Variants in CCDC192 observed in about 807,000 individuals in gnomAD.
CCDC192 encodes coiled-coil domain-containing protein 192.
intron 6 of CCDC192, among the ~76,000 whole-genome samples, chr5:127,927,487 G>A (rs1392898615): frequency 6.6e-6 from 1 of 152,050 alleles, no homozygotes; most frequent in African/African-American, 2.4e-5. Context: ...GGTGAGTACA[G>A]ACAACTCATC....
chr5:127,898,311 G>C (rs1383946168), intron 6 of CCDC192, among the ~76,000 whole-genome samples: 2 of 152,068 alleles, frequency 1.3e-5, no homozygotes, highest in Non-Finnish European at 2.9e-5. Flanking sequence ...GTTTCACCAT[G>C]TTGGCCAGGC....
chr5:127,705,636 G>C (rs1007138498), intron 1 of CCDC192, among the ~76,000 whole-genome samples: 3 of 152,132 alleles, frequency 2.0e-5, no homozygotes, highest in Non-Finnish European at 4.4e-5. Context: ...AAATACTTCT[G>C]ACTGGTAGGG....
intron 2 of CCDC192, among the ~76,000 whole-genome samples, chr5:127,749,219 T>C (rs1294972618): frequency 5.3e-5 from 8 of 152,220 alleles, no homozygotes; most frequent in Middle Eastern, 3.4e-3. Context: ...TTCCAGTTTT[T>C]GCCCATTCAG....
chr5:127,729,507 G>A (rs2408999), intron 2 of CCDC192, among the ~76,000 whole-genome samples: 8,394 of 152,192 alleles, frequency 0.055, 532 homozygotes, highest in East Asian at 0.27. Context: ...ACTCAGCTCT[G>A]AATCCAATGG....
chr5:127,833,450 T>C (rs1696576964), intron 5 of CCDC192, among the ~76,000 whole-genome samples: 1 of 152,156 alleles, frequency 6.6e-6, no homozygotes, highest in Non-Finnish European at 1.5e-5. Context: ...ACATTATAAA[T>C]ATAAAATAGT....
Position 127,733,929 on chromosome 5 carries a change from A to G in CCDC192, c.115-20339A>G, listed in dbSNP as rs183315257. Among the ~76,000 whole-genome samples, 103 of 145,884 alleles carry G rather than the reference A, an allele frequency of 7.1e-4. 1 individual carries two copies. Reference sequence around the variant, plus strand: ...GCCTTCACTAACTATATATATATATATATTTTTTTATTATACTTTAAGTTT... The same window carrying G: ...GCCTTCACTAACTATATATATATATGTATTTTTTTATTATACTTTAAGTTT... On this transcript the variant is annotated intron_variant, in intron 2 of 6. Transcript: ENST00000514853.
In CCDC192 at chr5:127,860,286, T is replaced by C. The variant is rs1751299206; in HGVS notation, c.412-15252T>C. On this transcript the variant is annotated intron_variant, in intron 5 of 6. Coordinates refer to ENST00000514853, the MANE Select transcript of CCDC192 (RefSeq NM_001317938.2). ...CATATAGTACATACTCCATAAATGT[T>C]TGTTGAATAGAACTAAATTATTGAG... Among the ~76,000 whole-genome samples the C allele has an allele frequency of 1.3e-5, 2 of 152,374 alleles. 1 individual carries two copies. The highest frequency in any genetic ancestry group is 4.1e-4 in the South Asian group (2 of 4,832).
At chr5:127,755,635 G>T (rs1580603623) in intron 3 of CCDC192, among the ~76,000 whole-genome samples, 1 of 118,964 alleles carries the variant, frequency 8.4e-6, no homozygotes, top group Non-Finnish European at 1.8e-5. Flanking sequence ...GCAAAATTAA[G>T]AATTACCAAG....
intron 3 of CCDC192, among the ~76,000 whole-genome samples, chr5:127,769,709 T>C (rs1039026712): frequency 6.6e-6 from 1 of 152,112 alleles, no homozygotes; most frequent in Non-Finnish European, 1.5e-5. Context: ...TGCTCAAATG[T>C]GTAATATTTT....
At chr5:127,876,159 G>A (rs1268495637) in intron 6 of CCDC192, among the ~76,000 whole-genome samples, 2 of 146,356 alleles carry the variant, frequency 1.4e-5, no homozygotes, top group Non-Finnish European at 3.0e-5. Context: ...TCAGAAAATT[G>A]TTAATAGCCA....
chr5:127,916,640 T>C (rs1753528304), intron 6 of CCDC192, among the ~76,000 whole-genome samples: 1 of 152,252 alleles, frequency 6.6e-6, no homozygotes, highest in Non-Finnish European at 1.5e-5. Flanking sequence ...CCAAAACTTT[T>C]GGGTGACCAG....
chr5:127,871,682 T>G (rs1751867517), intron 5 of CCDC192, among the ~76,000 whole-genome samples: 1 of 152,206 alleles, frequency 6.6e-6, no homozygotes, highest in Admixed American at 6.5e-5. Context: ...TTTTAAACAG[T>G]GCTGGCAACT....
intron 6 of CCDC192, among the ~76,000 whole-genome samples, chr5:127,909,740 G>T (rs1346728973): frequency 6.6e-6 from 1 of 152,118 alleles, no homozygotes; most frequent in Non-Finnish European, 1.5e-5. Context: ...AGACAATGAT[G>T]CACTGAAGTT....
Position 127,880,851 on chromosome 5 carries a change from G to C in CCDC192, c.535+5190G>C, listed in dbSNP as rs563839330. The stretch of plus-strand genomic sequence containing the variant: ...AAAAACTAGCTGGATATGGTGGTGG[G>C]CACCTGTAATCCCAGCTACTCCAGA... On this transcript the variant is annotated intron_variant, in intron 6 of 6. Transcript: ENST00000514853. Among the ~76,000 whole-genome samples the C allele has an allele frequency of 3.9e-5, 6 of 152,038 alleles. No individual in the cohort carries two copies. The South Asian group carries it at 1.0e-3, about 26-fold the overall frequency.
At chr5:127,825,696 T>C (rs1749495764) in intron 5 of CCDC192, among the ~76,000 whole-genome samples, 1 of 152,258 alleles carries the variant, frequency 6.6e-6, no homozygotes, top group South Asian at 2.1e-4. Flanking sequence ...ATACAATCTA[T>C]ATACATTCAC....
chr5:127,920,421 T>C (rs1349304090), intron 6 of CCDC192, among the ~76,000 whole-genome samples: 2 of 150,422 alleles, frequency 1.3e-5, no homozygotes, highest in Admixed American at 6.6e-5. Context: ...TTTTTTTTTT[T>C]TTTTGAGATG....
intron 5 of CCDC192, among the ~76,000 whole-genome samples, chr5:127,828,992 G>A (rs1561511292): frequency 6.6e-6 from 1 of 152,206 alleles, no homozygotes; most frequent in Non-Finnish European, 1.5e-5. Context: ...AGCAAACCTG[G>A]TTGGGGGCAG....
chr5:127,713,597 C>T (rs2126783912), intron 2 of CCDC192, among the ~76,000 whole-genome samples: 1 of 152,192 alleles, frequency 6.6e-6, no homozygotes, highest in Non-Finnish European at 1.5e-5. Context: ...TTTTCATGGA[C>T]CACGCTTTGA....
chr5:127,769,740 G>A (rs1187066141), intron 3 of CCDC192, among the ~76,000 whole-genome samples: 1 of 152,152 alleles, frequency 6.6e-6, no homozygotes, highest in Non-Finnish European at 1.5e-5. Context: ...TGAATAAGGT[G>A]CCCAGAAAAT....
Sources: allele counts gnomAD v4.1 joint callset (sites outside exome capture counted in the v4.1 genomes callset), GRCh38; gene constraint gnomAD v4.1.1; transcripts MANE v1.5; gene names NCBI Gene and HGNC (gene_info 2026-07-23, HGNC 2026-07-21).